The following KCMF1 variants were observed in gnomAD, a reference collection of about 807,000 sequenced individuals.
KCMF1 encodes the protein E3 ubiquitin-protein ligase KCMF1.
Under a neutral mutation model 41.1 loss-of-function variants are expected in KCMF1, and 3 were observed. The ratio of observed to expected loss-of-function variants is 0.07; its 90% confidence interval spans 0.03 to 0.19. KCMF1 has a LOEUF of 0.19. KCMF1 is among the 10% of genes least tolerant of loss of function. The probability of loss-of-function intolerance (pLI) is 1.00; values close to 1 mark genes in which losing one functional copy is unlikely to be tolerated. For missense variants in KCMF1, 286 were observed against 488.9 expected (o/e 0.58, Z 3.91); for synonymous variants, 142 against 164.5 (o/e 0.86, Z 1.04).
intron 1 of KCMF1, among the ~76,000 whole-genome samples, chr2:85,003,570 A>G (rs1214402437): frequency 6.6e-6 from 1 of 151,934 alleles, no homozygotes; most frequent in East Asian, 1.9e-4. Flanking sequence ...TTTTATGCAC[A>G]AGCTTATAAA....
At position 85,049,514 on chromosome 2, in the gene KCMF1, C is replaced by T. The variant is rs372803630; in HGVS notation, c.750C>T (p.Thr250=). The T allele has an allele frequency of 4.3e-5, 69 of 1,613,880 alleles. No homozygotes were observed. The African/African-American group carries it at 4.4e-4, about 10-fold the overall frequency. ...HAQAARQQLE[T]ARNATRRTNT... ...AGGCAGCACGGCAACAACTGGAGAC[C>T]GCACGCAACGCAACCCGGCGTACTA... is the stretch of plus-strand genomic sequence containing the variant. Residue 250 remains threonine (T), a synonymous_variant, in exon 6 of 7, where the codon ACC becomes ACT. Transcript: ENST00000409785.
intron 1 of KCMF1, among the ~76,000 whole-genome samples, chr2:85,024,553 TGAGAGAGAGAGAGA>T (rs377478206): frequency 1.1e-4 from 16 of 141,766 alleles, no homozygotes; most frequent in African/African-American, 3.8e-4. Flanking sequence ...ATTTGGAGAG[TGAGAGAGAGAGAGA>T]GAGAGAGAGA....
At chr2:85,052,195 G>A (rs751163527) in intron 6 of KCMF1, among the ~76,000 whole-genome samples, 19 of 152,124 alleles carry the variant, frequency 1.2e-4, no homozygotes, top group Non-Finnish European at 2.1e-4. Flanking sequence ...TCAGCCTCCC[G>A]AGTAGCTGGG....
intron 1 of KCMF1, among the ~76,000 whole-genome samples, chr2:84,973,116 C>T (rs1445666934): frequency 1.3e-5 from 2 of 152,202 alleles, no homozygotes; most frequent in African/African-American, 4.8e-5. Flanking sequence ...CAAAAGTGAG[C>T]AATGGCTGCA....
At chr2:85,015,357 G>C (rs1674745209) in intron 1 of KCMF1, among the ~76,000 whole-genome samples, 1 of 152,012 alleles carries the variant, frequency 6.6e-6, no homozygotes, top group African/African-American at 2.4e-5. Flanking sequence ...CATTTTATGA[G>C]TCAGAAAACA....
chr2:85,028,817 T>G (rs114686585), intron 2 of KCMF1, among the ~76,000 whole-genome samples: 1,544 of 152,220 alleles, frequency 0.01, 18 homozygotes, highest in African/African-American at 0.035. Flanking sequence ...TAATTCTGTC[T>G]GTTCATCTTA....
chr2:85,030,181 A>C (rs1014530266), intron 2 of KCMF1, among the ~76,000 whole-genome samples: 3 of 151,908 alleles, frequency 2.0e-5, no homozygotes, highest in African/African-American at 7.3e-5. Flanking sequence ...CCCATTTTTT[A>C]ATTGGATAAT....
Position 85,039,817 on chromosome 2 carries a change from C to CG in KCMF1, c.325-3747_325-3746insG, listed in dbSNP as rs201728022. On this transcript the variant is annotated intron_variant, in intron 3 of 6. Transcript: ENST00000409785. ...ACATTTGTGAATACAAATGTTTTTT[C>CG]CTTTTTTTTTGGAGACAGAGATTTT... Among the ~76,000 whole-genome samples, 1,412 of 152,082 alleles carry CG rather than the reference C, an allele frequency of 9.3e-3. 16 individuals carry two copies. Among genetic ancestry groups the CG allele is most frequent in the African/African-American group, 0.032 (1,323 of 41,500 alleles).
chr2:84,982,767 T>C (rs1198463121), intron 1 of KCMF1, among the ~76,000 whole-genome samples: 1 of 152,144 alleles, frequency 6.6e-6, no homozygotes, highest in African/African-American at 2.4e-5. Context: ...GGAACCCAGG[T>C]AGTTTTCATG....
intron 1 of KCMF1, among the ~76,000 whole-genome samples, chr2:85,012,384 A>G (rs1056913361): frequency 2.0e-5 from 3 of 152,144 alleles, no homozygotes; most frequent in Non-Finnish European, 4.4e-5. Context: ...GTGTTTAAAA[A>G]CTTTTAAATT....
intron 1 of KCMF1, among the ~76,000 whole-genome samples, chr2:84,975,215 C>G (rs911457899): frequency 6.6e-6 from 1 of 151,952 alleles, no homozygotes; most frequent in African/African-American, 2.4e-5. Flanking sequence ...GCACTCCAGC[C>G]TGGGCGACAG....
chr2:84,987,087 G>A (rs1292841316), intron 1 of KCMF1, among the ~76,000 whole-genome samples: 2 of 152,188 alleles, frequency 1.3e-5, no homozygotes, highest in African/African-American at 4.8e-5. Flanking sequence ...ATTAGATAAA[G>A]CACTGCATAA....
rs569910356 is a variant in KCMF1, at chr2:85,005,530, T to C, written c.17-22359T>C. Among the ~76,000 whole-genome samples, 428 of 151,972 alleles carry C rather than the reference T, an allele frequency of 2.8e-3. 2 individuals are homozygous for C. Among genetic ancestry groups the C allele is most frequent in the African/African-American group, 9.4e-3 (388 of 41,446 alleles). On this transcript the variant is annotated intron_variant, in intron 1 of 6. Transcript: ENST00000409785. ...GTCTCGAACTCCTGACCTCAGATGA[T>C]CCACCTGCCTCGGCCTCCCAAAGTG...
intron 1 of KCMF1, among the ~76,000 whole-genome samples, chr2:85,004,600 C>G (rs1296595859): frequency 1.3e-5 from 2 of 151,974 alleles, no homozygotes; most frequent in African/African-American, 4.8e-5. Flanking sequence ...GGTGCCTAAG[C>G]TAGAACTCTT....
intron 1 of KCMF1, among the ~76,000 whole-genome samples, chr2:84,997,959 G>C (rs1674217261): frequency 6.7e-6 from 1 of 149,362 alleles, no homozygotes; most frequent in African/African-American, 2.5e-5. Context: ...TTTTAGTAGA[G>C]ACAGGGTTTC....
chr2:85,048,996 C>T (rs1675738881), intron 5 of KCMF1, among the ~76,000 whole-genome samples: 1 of 152,186 alleles, frequency 6.6e-6, no homozygotes, highest in Non-Finnish European at 1.5e-5. Context: ...GACCTCATCC[C>T]TGCTTCCATG....
rs1160732720 is a variant in KCMF1 at position 85,026,478 on chromosome 2, T to TTATTATTAC, written c.17-1403_17-1402insCTATTATTA. Reference sequence around the variant, plus strand: ...CTTTCCTTTATTATTATTATTATTATTATTATTATTATTATTATTTTTATT... The same window carrying TTATTATTAC: ...CTTTCCTTTATTATTATTATTATTATTATTATTACTATTATTATTATTATTATTTTTATT... On this transcript the variant is annotated intron_variant, in intron 1 of 6. Coordinates refer to ENST00000409785, the MANE Select transcript of KCMF1 (RefSeq NM_020122.5). 2.5e-4 allele frequency among the ~76,000 whole-genome samples: 37 copies of TTATTATTAC among 146,128 alleles called. 1 individual carries two copies. Among genetic ancestry groups the TTATTATTAC allele is most frequent in the African/African-American group, 8.5e-4 (34 of 40,100 alleles).
chr2:85,001,994 A>C (rs1231107214), intron 1 of KCMF1, among the ~76,000 whole-genome samples: 1 of 152,196 alleles, frequency 6.6e-6, no homozygotes, highest in Non-Finnish European at 1.5e-5. Flanking sequence ...CCTAAACATA[A>C]AAAAGGTATC....
At position 84,981,551 on chromosome 2, in the gene KCMF1, A is replaced by T. The variant is rs192446581; in HGVS notation, c.16+10084A>T. Among the ~76,000 whole-genome samples the T allele has an allele frequency of 7.9e-5, 12 of 152,084 alleles. No individual in the cohort carries two copies. In the East Asian group the frequency reaches 2.3e-3, roughly 29 times the overall value. ...GCTGGTACTCAGTGCCAGTGTCATG[A>T]TATCAACTTTTTCTACAGTAAGAGG... On this transcript the variant is annotated intron_variant, in intron 1 of 6. Coordinates refer to ENST00000409785, the MANE Select transcript of KCMF1 (RefSeq NM_020122.5).
Sources: allele counts gnomAD v4.1 joint callset (sites outside exome capture counted in the v4.1 genomes callset), GRCh38; gene constraint gnomAD v4.1.1; transcripts MANE v1.5; gene names NCBI Gene and HGNC (gene_info 2026-07-23, HGNC 2026-07-21).